COQ10B: variants seen among roughly 807,000 people sequenced by gnomAD.
COQ10B encodes coenzyme Q-binding protein COQ10 homolog B, mitochondrial.
A neutral mutation model predicts 27.6 loss-of-function variants in COQ10B; 12 were observed. The observed-to-expected ratio is 0.43, with a 90% CI of 0.28 to 0.70. COQ10B has a LOEUF of 0.70. Among genes scored for constraint, COQ10B ranks in the 30% least tolerant of loss-of-function variants. The pLI, the probability that COQ10B is intolerant of heterozygous loss-of-function variation, is 0.17. For missense variants in COQ10B, 278 were observed against 288.7 expected (o/e 0.96, Z 0.27); for synonymous variants, 115 against 103.0 (o/e 1.12, Z -0.71).
chr2:197,469,352 G>A (rs1171057290), intron 3 of COQ10B, among the ~76,000 whole-genome samples: 2 of 152,250 alleles, frequency 1.3e-5, no homozygotes, highest in Non-Finnish European at 2.9e-5. Context: ...TTACAAGTGT[G>A]AGCCACCACA....
intron 1 of COQ10B, chr2:197,454,300 C>A: frequency 1.7e-6 from 1 of 581,460 alleles, no homozygotes; most frequent in South Asian, 2.2e-5. Context: ...GACACGGATA[C>A]CATACTTGTA....
chr2:197,470,050 A>G lies in COQ10B; in HGVS notation c.448-20A>G. 2 of 1,502,036 alleles carry G rather than the reference A, an allele frequency of 1.3e-6. No individual in the cohort carries two copies. The highest frequency in any genetic ancestry group is 2.3e-5 in the South Asian group (2 of 87,164). 93.0% of individuals were successfully genotyped at this position (1,502,036 alleles called of 1,614,324 possible). On this transcript the variant is annotated intron_variant, in intron 3 of 4. Coordinates refer to ENST00000263960, the MANE Select transcript of COQ10B (RefSeq NM_025147.5). ...AGCAAAGGTATTTAACTGTGGTTTT[A>G]TTTTTTCATTTTGTTGTAGGCATCT...
In COQ10B at chr2:197,472,561, C is replaced by T. The variant is rs189465009; in HGVS notation, c.550-1196C>T. Among the ~76,000 whole-genome samples, 355 of 152,082 alleles carry T rather than the reference C, an allele frequency of 2.3e-3. 6 individuals carry two copies. The highest frequency in any genetic ancestry group is 0.021 in the Admixed American group (316 of 15,274). On this transcript the variant is annotated intron_variant, in intron 4 of 4. Transcript: ENST00000263960. ...GCTCATGCCTGTAATCCCAACACTT[C>T]GCAAGGCCTAGGTGGGTGGATTACC...
In COQ10B at chr2:197,470,115, TGGCGTTTTA is replaced by T; in HGVS notation, c.495_503del (p.Trp165_Ser168delinsCys). ...ACTTTTCAATCATTTGGAGACTATTTGGCGTTTTAGCCCAGGTCTTCCTGGCTACCCAAG... is the reference window on the plus strand; with the variant it reads ...ACTTTTCAATCATTTGGAGACTATTTGCCCAGGTCTTCCTGGCTACCCAAG... On this transcript the variant is annotated inframe_deletion, in exon 4 of 5. Coordinates refer to ENST00000263960, the MANE Select transcript of COQ10B (RefSeq NM_025147.5). 1 of 1,613,718 alleles carries T rather than the reference TGGCGTTTTA, an allele frequency of 6.2e-7. No individual in the cohort carries two copies. Among genetic ancestry groups the T allele is most frequent in the Non-Finnish European group, 8.5e-7 (1 of 1,179,704 alleles).
intron 4 of COQ10B, among the ~76,000 whole-genome samples, chr2:197,471,910 C>T (rs920786781): frequency 2.7e-5 from 4 of 150,040 alleles, no homozygotes; most frequent in Non-Finnish European, 5.9e-5. Context: ...CCACTGCACT[C>T]CAACCTGGGT....
chr2:197,454,056 C>T, intron 1 of COQ10B: 2 of 1,551,234 alleles, frequency 1.3e-6, no homozygotes, highest in Non-Finnish European at 1.7e-6. Context: ...GGCGGTGAGC[C>T]CCCTTCTCCG....
chr2:197,454,894 C>G (rs1384254426), intron 1 of COQ10B, among the ~76,000 whole-genome samples: 1 of 152,066 alleles, frequency 6.6e-6, no homozygotes, highest in African/African-American at 2.4e-5. Context: ...AAGCTGTTCT[C>G]CATGTGGTCC....
intron 4 of COQ10B, among the ~76,000 whole-genome samples, chr2:197,473,019 A>G (rs1405514581): frequency 6.6e-6 from 1 of 152,174 alleles, no homozygotes. Flanking sequence ...TAATGTATTC[A>G]GCAAAGGTTT....
intron 1 of COQ10B, among the ~76,000 whole-genome samples, chr2:197,458,116 C>T (rs1007973123): frequency 1.4e-5 from 2 of 143,734 alleles, no homozygotes; most frequent in Admixed American, 7.0e-5. Flanking sequence ...TTTTCTTTTT[C>T]TTTTTTTTTT....
intron 4 of COQ10B, 29 bp downstream of exon 4, chr2:197,470,200 C>A: frequency 7.5e-7 from 1 of 1,341,994 alleles, no homozygotes; most frequent in South Asian, 1.2e-5. Flanking sequence ...TTGATTTGTT[C>A]CACTTATGAG....
chr2:197,461,597 G>C (rs2085758705), intron 2 of COQ10B, among the ~76,000 whole-genome samples: 2 of 149,882 alleles, frequency 1.3e-5, no homozygotes, highest in African/African-American at 4.9e-5. Context: ...GTGTGTGTGA[G>C]GGAGGGAGAG....
chr2:197,459,310 G>A (rs527433461), intron 1 of COQ10B, among the ~76,000 whole-genome samples: 1 of 152,254 alleles, frequency 6.6e-6, no homozygotes, highest in South Asian at 2.1e-4. Flanking sequence ...GGAACTACAG[G>A]CACATGCCAC....
intron 2 of COQ10B, among the ~76,000 whole-genome samples, chr2:197,462,223 C>T (rs1056242215): frequency 1.3e-5 from 2 of 149,046 alleles, no homozygotes; most frequent in Non-Finnish European, 1.5e-5. Flanking sequence ...GAGCCGAGAT[C>T]GTACCACTGC....
At chr2:197,462,472 T>G in intron 2 of COQ10B, 67 bp from the exon 3 acceptor site, 1 of 800,524 alleles carries the variant, frequency 1.2e-6, no homozygotes, top group Non-Finnish European at 2.0e-6. Flanking sequence ...CATATTCACT[T>G]TAAAGTATGC....
chr2:197,468,776 A>G (rs2085850802), intron 3 of COQ10B, among the ~76,000 whole-genome samples: 1 of 152,090 alleles, frequency 6.6e-6, no homozygotes, highest in Non-Finnish European at 1.5e-5. Flanking sequence ...TGGGCAACTT[A>G]GGGAGAACAC....
chr2:197,470,228 T>C (rs759065909), intron 4 of COQ10B, 57 bp downstream of exon 4: 15 of 986,972 alleles, frequency 1.5e-5, no homozygotes, highest in Non-Finnish European at 2.2e-5. Context: ...TGGTAAAAAG[T>C]AATCATTTTT....
intron 2 of COQ10B, among the ~76,000 whole-genome samples, chr2:197,461,542 A>G (rs1328941918): frequency 1.3e-5 from 2 of 148,508 alleles, no homozygotes; most frequent in Non-Finnish European, 1.5e-5. Flanking sequence ...TGGCAACTAA[A>G]AAAATACTGA....
At chr2:197,463,131 G>A (rs1342222058) in intron 3 of COQ10B, among the ~76,000 whole-genome samples, 1 of 152,080 alleles carries the variant, frequency 6.6e-6, no homozygotes, top group Non-Finnish European at 1.5e-5. Flanking sequence ...AGGAATGGTG[G>A]GGAAGAAGGA....
chr2:197,463,996 T>TATACAC (rs1553574096), intron 3 of COQ10B, among the ~76,000 whole-genome samples: 6 of 32,854 alleles, frequency 1.8e-4, no homozygotes, highest in Admixed American at 6.9e-4. Context: ...TATATATATA[T>TATACAC]ACACACACAC....
Sources: allele counts gnomAD v4.1 joint callset (sites outside exome capture counted in the v4.1 genomes callset), GRCh38; gene constraint gnomAD v4.1.1; transcripts MANE v1.5; gene names NCBI Gene and HGNC (gene_info 2026-07-23, HGNC 2026-07-21).